TBC1D16: variants seen among roughly 807,000 people sequenced by gnomAD.
TBC1D16 encodes the protein CTD-2529O21.1.
A neutral mutation model predicts 74.7 loss-of-function variants in TBC1D16; 58 were observed. That is an observed-to-expected ratio of 0.78 (90% confidence interval 0.63 to 0.97). The LOEUF is 0.97. Ranked by LOEUF, TBC1D16 falls within the 50% of genes least tolerant of loss-of-function variation. The probability of loss-of-function intolerance (pLI) is 0.00; values close to 1 mark genes in which losing one functional copy is unlikely to be tolerated. For synonymous variants in TBC1D16, 493 were observed against 474.7 expected, an observed-to-expected ratio of 1.04 and a Z score of -0.50; for missense variants, 1,014 against 1,079.5, an observed-to-expected ratio of 0.94 and a Z score of 0.85.
rs1238670616 is a variant in TBC1D16, at chr17:79,987,111, GC to G, written c.779+23048del. Among the ~76,000 whole-genome samples the G allele has an allele frequency of 7.2e-5, 11 of 152,332 alleles. No homozygotes were observed. Among genetic ancestry groups the G allele is most frequent in the African/African-American group, 2.6e-4 (11 of 41,584 alleles). ...AGTGTCGCTGCCCAAGGCAGAACTGGCTGCCCACCAGGGGCAGGAGACTGGA... is the reference window on the plus strand; with the variant it reads ...AGTGTCGCTGCCCAAGGCAGAACTGGTGCCCACCAGGGGCAGGAGACTGGA... On this transcript the variant is annotated intron_variant, in intron 3 of 11. Coordinates refer to ENST00000310924, the MANE Select transcript of TBC1D16 (RefSeq NM_019020.4). The surrounding 1 kb of genome is among the most constrained non-coding windows in gnomAD (Gnocchi z 5.2).
At chr17:79,989,257 A>G (rs1418530359) in intron 3 of TBC1D16, among the ~76,000 whole-genome samples, 2 of 152,220 alleles carry the variant, frequency 1.3e-5, no homozygotes, top group Non-Finnish European at 2.9e-5. Context: ...TAAGCACAGC[A>G]AAGTCCCCAA....
intron 10 of TBC1D16, among the ~76,000 whole-genome samples, chr17:79,942,591 C>A (rs2032123431): frequency 6.6e-6 from 1 of 152,096 alleles, no homozygotes; most frequent in African/African-American, 2.4e-5. Flanking sequence ...GGGGAGGACT[C>A]ATTTGTAATG....
rs1156774519 is a variant in TBC1D16 at position 79,932,468 on chromosome 17, A to T, written c.*8391T>A. On this transcript the variant is annotated 3_prime_UTR_variant, in exon 12 of 12. Coordinates refer to ENST00000310924, the MANE Select transcript of TBC1D16 (RefSeq NM_019020.4). ...CCGGTCCCCTGTAGCTAGTGTCCAG[A>T]CACTGGTCACAGACCTCCACTGAGC... The T allele has an allele frequency of 1.3e-5, 2 of 152,404 alleles. No individual in the cohort carries two copies. Among genetic ancestry groups the T allele is most frequent in the South Asian group, 2.1e-4 (1 of 4,830 alleles). The allele number at this position is 152,404 out of a possible 1,614,324, so 9.4% of individuals were successfully genotyped here.
At chr17:79,945,569 G>A (rs752844068) in intron 9 of TBC1D16, among the ~76,000 whole-genome samples, 6 of 152,190 alleles carry the variant, frequency 3.9e-5, no homozygotes, top group African/African-American at 9.7e-5. Flanking sequence ...CAGGATGCTC[G>A]ATTCCTGCCA....
rs1407870252 is a variant in TBC1D16 at position 80,035,425 on chromosome 17, T to C, written c.-63+370A>G. Among the ~76,000 whole-genome samples, 1 of 151,938 alleles carries C rather than the reference T, an allele frequency of 6.6e-6. No individual in the cohort carries two copies. Among genetic ancestry groups the C allele is most frequent in the African/African-American group, 2.4e-5 (1 of 41,388 alleles). On this transcript the variant is annotated intron_variant, in intron 1 of 11. Coordinates refer to ENST00000310924, the MANE Select transcript of TBC1D16 (RefSeq NM_019020.4). This position sits in a 1 kb window ranked among gnomAD's most constrained non-coding sequence, Gnocchi z 5.3. Reference sequence around the variant, plus strand: ...CGCGCCGGCACCCCACAAGTTCTCATCCGTCTGCTCCGCCGATTCAGCCAG... The same window carrying C: ...CGCGCCGGCACCCCACAAGTTCTCACCCGTCTGCTCCGCCGATTCAGCCAG...
chr17:79,984,620 TGAAGGAAGGAAG>T lies in TBC1D16; in HGVS notation c.779+25528_779+25539del, dbSNP rs71287518. Among the ~76,000 whole-genome samples, 8 of 122,394 alleles carry T rather than the reference TGAAGGAAGGAAG, an allele frequency of 6.5e-5. No homozygotes were observed. In the East Asian group the frequency reaches 7.0e-4, roughly 11 times the overall value. The allele number at this position is 122,394 out of a possible 152,430, so 80.3% of individuals were successfully genotyped here. On this transcript the variant is annotated intron_variant, in intron 3 of 11. Coordinates refer to ENST00000310924, the MANE Select transcript of TBC1D16 (RefSeq NM_019020.4). The stretch of plus-strand genomic sequence containing the variant: ...AGAAAGAAAAGAGGGAGGGAGGGAG[TGAAGGAAGGAAG>T]GAAGGAAGGAAGGAAGGAAGGAAGG...
rs1031215623 is a variant in TBC1D16, at chr17:79,950,379, C to A, written c.1257+32G>T. On this transcript the variant is annotated intron_variant, in intron 6 of 11. Coordinates refer to ENST00000310924, the MANE Select transcript of TBC1D16 (RefSeq NM_019020.4). This position sits in a 1 kb window ranked among gnomAD's most constrained non-coding sequence, Gnocchi z 4.6. ...CGTTCCCGGTTCCCGGCCGGCTCTCCGCGGGGCCAGCTGGGCGGACCCGGA... is the reference window on the plus strand; with the variant it reads ...CGTTCCCGGTTCCCGGCCGGCTCTCAGCGGGGCCAGCTGGGCGGACCCGGA... The A allele has an allele frequency of 6.4e-7, 1 of 1,567,198 alleles. No individual in the cohort carries two copies. Among genetic ancestry groups the A allele is most frequent in the Non-Finnish European group, 8.6e-7 (1 of 1,157,808 alleles).
chr17:79,941,569 G>T lies in TBC1D16; in HGVS notation c.2056-462C>A, dbSNP rs7213038. Among the ~76,000 whole-genome samples, 3,243 of 151,894 alleles carry T rather than the reference G, an allele frequency of 0.021. 123 individuals carry two copies. Among genetic ancestry groups the T allele is most frequent in the African/African-American group, 0.073 (3,030 of 41,420 alleles). On this transcript the variant is annotated intron_variant, in intron 11 of 11. Coordinates refer to ENST00000310924, the MANE Select transcript of TBC1D16 (RefSeq NM_019020.4). The surrounding 1 kb of genome is among the most constrained non-coding windows in gnomAD (Gnocchi z 4.3). ...GGACACCACCGACCTCGGGACCCCC[G>T]CTCAGTGCCCTGAGGACCACCAGAG...
At position 79,950,397 on chromosome 17, in the gene TBC1D16, G is replaced by T; in HGVS notation, c.1257+14C>A. ...GGCTCTCCGCGGGGCCAGCTGGGCGGACCCGGACCTCACCTTCCGCAGCTT... is the reference window on the plus strand; with the variant it reads ...GGCTCTCCGCGGGGCCAGCTGGGCGTACCCGGACCTCACCTTCCGCAGCTT... On this transcript the variant is annotated intron_variant, in intron 6 of 11. Transcript: ENST00000310924. The surrounding 1 kb of genome is among the most constrained non-coding windows in gnomAD (Gnocchi z 4.6). 1 of 1,597,964 alleles carries T rather than the reference G, an allele frequency of 6.3e-7. No individual in the cohort carries two copies.
chr17:79,990,983 T>C lies in TBC1D16; in HGVS notation c.779+19177A>G, dbSNP rs2035036118. Reference sequence around the variant, plus strand: ...CATGTGTGTGAACACACCGCGTTTCTCTAGTCACCCGTCGGGGGAACTTGG... The same window carrying C: ...CATGTGTGTGAACACACCGCGTTTCCCTAGTCACCCGTCGGGGGAACTTGG... On this transcript the variant is annotated intron_variant, in intron 3 of 11. Coordinates refer to ENST00000310924, the MANE Select transcript of TBC1D16 (RefSeq NM_019020.4). This position sits in a 1 kb window ranked among gnomAD's most constrained non-coding sequence, Gnocchi z 4.8. Among the ~76,000 whole-genome samples the C allele has an allele frequency of 6.6e-6, 1 of 152,268 alleles. No homozygotes were observed. Among genetic ancestry groups the C allele is most frequent in the Non-Finnish European group, 1.5e-5 (1 of 68,040 alleles).
In TBC1D16 at chr17:79,988,890, A is replaced by T. The variant is rs11656933; in HGVS notation, c.779+21270T>A. Among the ~76,000 whole-genome samples the T allele has an allele frequency of 0.67, 101,200 of 152,014 alleles. 34,697 individuals are homozygous for T. The highest frequency in any genetic ancestry group is 0.75 in the Admixed American group (11,488 of 15,268). On this transcript the variant is annotated intron_variant, in intron 3 of 11. Transcript: ENST00000310924. The surrounding 1 kb of genome is among the most constrained non-coding windows in gnomAD (Gnocchi z 5.7). ...GGGCTCTGCTGGGCTGGACGGTGCC[A>T]CCCTCCCCAACCCGCACCTGCCCGC...
In TBC1D16 at chr17:79,986,752, A is replaced by G. The variant is rs1433730233; in HGVS notation, c.779+23408T>C. On this transcript the variant is annotated intron_variant, in intron 3 of 11. Coordinates refer to ENST00000310924, the MANE Select transcript of TBC1D16 (RefSeq NM_019020.4). The surrounding 1 kb of genome is among the most constrained non-coding windows in gnomAD (Gnocchi z 6.0). Reference sequence around the variant, plus strand: ...GGTTTTCCCTTCCAAGGAAGGCTCTACACACCCGGCCCTCCTCAGAGCCTC... The same window carrying G: ...GGTTTTCCCTTCCAAGGAAGGCTCTGCACACCCGGCCCTCCTCAGAGCCTC... Among the ~76,000 whole-genome samples the G allele has an allele frequency of 6.6e-6, 1 of 152,134 alleles. No individual in the cohort carries two copies. The highest frequency in any genetic ancestry group is 6.5e-5 in the Admixed American group (1 of 15,274).
chr17:79,998,451 C>G (rs541860010), intron 3 of TBC1D16, among the ~76,000 whole-genome samples: 1 of 151,748 alleles, frequency 6.6e-6, no homozygotes, highest in Non-Finnish European at 1.5e-5. Context: ...CCTCAGCCCC[C>G]CAAGTAGCTG....
chr17:79,977,924 T>C (rs2034401768), intron 3 of TBC1D16, among the ~76,000 whole-genome samples: 1 of 152,260 alleles, frequency 6.6e-6, no homozygotes, highest in Non-Finnish European at 1.5e-5. Context: ...CGGTGCCTTC[T>C]GCTGCCGGGG....
chr17:80,014,979 G>GA (rs1186789878), intron 1 of TBC1D16, among the ~76,000 whole-genome samples: 1 of 152,062 alleles, frequency 6.6e-6, no homozygotes, highest in Non-Finnish European at 1.5e-5. Context: ...GGAACCCAAG[G>GA]AAACACCTAA....
At position 80,008,500 on chromosome 17, in the gene TBC1D16, C is replaced by CT. The variant is rs1568631415; in HGVS notation, c.779+1659dup. Among the ~76,000 whole-genome samples, 1 of 152,170 alleles carries CT rather than the reference C, an allele frequency of 6.6e-6. No individual in the cohort carries two copies. Among genetic ancestry groups the CT allele is most frequent in the African/African-American group, 2.4e-5 (1 of 41,434 alleles). ...CACCTCTCTGAGACACAACTGGGAC[C>CT]TTCCCCTCGCCTGGGCCCTGGGGAT... On this transcript the variant is annotated intron_variant, in intron 3 of 11. Coordinates refer to ENST00000310924, the MANE Select transcript of TBC1D16 (RefSeq NM_019020.4). This position sits in a 1 kb window ranked among gnomAD's most constrained non-coding sequence, Gnocchi z 4.5.
At position 80,001,853 on chromosome 17, in the gene TBC1D16, G is replaced by C. The variant is rs546400663; in HGVS notation, c.779+8307C>G. 1.4e-5 allele frequency among the ~76,000 whole-genome samples: 1 copy of C among 70,726 alleles called. No individual in the cohort carries two copies. The highest frequency in any genetic ancestry group is 5.2e-4 in the South Asian group (1 of 1,918). The allele number at this position is 70,726 out of a possible 152,430, so 46.4% of individuals were successfully genotyped here. ...TCACATGCCCTTCCCTCCACCCCCC[G>C]CCTCCTGCTCCCTTCCTCATCCCCT... On this transcript the variant is annotated intron_variant, in intron 3 of 11. Transcript: ENST00000310924. This position sits in a 1 kb window ranked among gnomAD's most constrained non-coding sequence, Gnocchi z 5.8.
chr17:80,032,290 G>A (rs957121754), intron 1 of TBC1D16, among the ~76,000 whole-genome samples: 7 of 152,158 alleles, frequency 4.6e-5, no homozygotes, highest in Non-Finnish European at 7.4e-5. Flanking sequence ...ACCTTCCAAC[G>A]CCTGCACAGA....
intron 1 of TBC1D16, among the ~76,000 whole-genome samples, chr17:80,014,933 C>T (rs947263990): frequency 1.2e-4 from 19 of 152,122 alleles, no homozygotes; most frequent in African/African-American, 1.2e-4. Context: ...ATATATAATG[C>T]GCTGTGACCT....
Sources: gnomAD v4.1 joint callset for allele counts (sites outside exome capture counted in the v4.1 genomes callset) on GRCh38, gnomAD v4.1.1 for gene constraint, Gnocchi (gnomAD v3.1) non-coding constraint, MANE v1.5 for transcripts, NCBI Gene and HGNC (gene_info 2026-07-23, HGNC 2026-07-21) for gene names.